Variants in COA1 observed in about 807,000 individuals in gnomAD.
COA1 encodes cytochrome c oxidase assembly factor 1.
COA1 carries 13 observed loss-of-function variants against 16.0 expected under a neutral mutation model. That is an observed-to-expected ratio of 0.81 (90% CI 0.53 to 1.29). The LOEUF (loss-of-function observed/expected upper bound fraction) is 1.29, where lower values mean the gene tolerates loss of function less well. Among genes scored for constraint, COA1 ranks in the 50% most tolerant of loss-of-function variants. COA1 has a pLI of 0.00. For synonymous variants in COA1, 65 were observed against 65.7 expected (o/e 0.99, Z 0.05); for missense variants, 179 against 177.0 (o/e 1.01, Z -0.06).
At chr7:43,650,508 A>G (rs2090518000) in intron 1 of COA1, 1 of 152,210 alleles carries the variant, frequency 6.6e-6, no homozygotes, top group Admixed American at 6.5e-5. Context: ...TTCACTAGGC[A>G]TTTCCTCAAG....
At chr7:43,671,524 T>G (rs994829692) in intron 1 of COA1, among the ~76,000 whole-genome samples, 3 of 152,118 alleles carry the variant, frequency 2.0e-5, no homozygotes, top group African/African-American at 7.2e-5. Context: ...TGAAGGAGGT[T>G]AAAGTCTCTA....
chr7:43,663,429 C>T (rs1225163259), intron 1 of COA1, among the ~76,000 whole-genome samples: 1 of 152,198 alleles, frequency 6.6e-6, no homozygotes, highest in Non-Finnish European at 1.5e-5. Flanking sequence ...CAATACCACT[C>T]TGCCTTAATT....
chr7:43,713,568 C>T (rs1204715053), intron 1 of COA1, among the ~76,000 whole-genome samples: 1 of 152,170 alleles, frequency 6.6e-6, no homozygotes, highest in African/African-American at 2.4e-5. Context: ...CATCTCATCT[C>T]TCTGAATATA....
At chr7:43,633,930 A>AC (rs1230572222) in intron 6 of COA1, among the ~76,000 whole-genome samples, 2 of 151,982 alleles carry the variant, frequency 1.3e-5, no homozygotes, top group Non-Finnish European at 2.9e-5. Flanking sequence ...CTCCGCTCAG[A>AC]TTTTTATTTC....
intron 1 of COA1, among the ~76,000 whole-genome samples, chr7:43,717,108 T>C (rs1159802669): frequency 6.6e-6 from 1 of 152,116 alleles, no homozygotes; most frequent in Non-Finnish European, 1.5e-5. Context: ...AGAAGGAAAA[T>C]GTGGGGTTGG....
chr7:43,642,894 T>A (rs17530917), intron 4 of COA1, among the ~76,000 whole-genome samples: 1 of 152,136 alleles, frequency 6.6e-6, no homozygotes, highest in Non-Finnish European at 1.5e-5. Flanking sequence ...TAAAGGAATT[T>A]GGGATAAGAG....
intron 6 of COA1, chr7:43,622,554 A>G (rs1177955728): frequency 6.8e-6 from 1 of 147,570 alleles, no homozygotes; most frequent in Non-Finnish European, 1.5e-5. Flanking sequence ...TAGTTTTGAA[A>G]AAAAAAATCT....
At chr7:43,727,530 T>TAA (rs145265438) in intron 1 of COA1, among the ~76,000 whole-genome samples, 1 of 151,656 alleles carries the variant, frequency 6.6e-6, no homozygotes, top group African/African-American at 2.4e-5. Flanking sequence ...TAACCAGCAA[T>TAA]AAAAAAAAGT....
At chr7:43,690,532 T>C (rs895474286) in intron 1 of COA1, among the ~76,000 whole-genome samples, 1 of 152,070 alleles carries the variant, frequency 6.6e-6, no homozygotes, top group African/African-American at 2.4e-5. Context: ...ATGAAATAAT[T>C]GCATTCGCAG....
intron 1 of COA1, among the ~76,000 whole-genome samples, chr7:43,719,326 A>C (rs941940474): frequency 3.3e-5 from 5 of 152,284 alleles, no homozygotes; most frequent in African/African-American, 1.2e-4. Context: ...CCTTGGAAAC[A>C]AGAAACTCAA....
At chr7:43,719,703 T>C (rs532557416) in intron 1 of COA1, among the ~76,000 whole-genome samples, 50 of 152,340 alleles carry the variant, frequency 3.3e-4, no homozygotes, top group Non-Finnish European at 8.8e-5. Context: ...CTGACTACTA[T>C]GAAAATGTCC....
At chr7:43,631,727 A>C (rs995622343) in intron 6 of COA1, 5 of 152,174 alleles carry the variant, frequency 3.3e-5, no homozygotes, top group African/African-American at 1.2e-4. Flanking sequence ...GGTTTCACTC[A>C]GCTTCTTAAA....
chr7:43,694,410 C>G (rs2094467963), intron 1 of COA1, among the ~76,000 whole-genome samples: 1 of 152,098 alleles, frequency 6.6e-6, no homozygotes, highest in Non-Finnish European at 1.5e-5. Flanking sequence ...AACACACCAA[C>G]TTAACTTTTA....
chr7:43,640,764 C>T (rs2086849554), intron 4 of COA1, 115 bp from the exon 5 acceptor site: 1 of 723,192 alleles, frequency 1.4e-6, no homozygotes, highest in Middle Eastern at 3.5e-4. Flanking sequence ...TGATTCTCCA[C>T]AGAAGTGAGT....
chr7:43,693,806 A>C (rs2094447671), intron 1 of COA1, among the ~76,000 whole-genome samples: 2 of 151,974 alleles, frequency 1.3e-5, no homozygotes, highest in African/African-American at 4.8e-5. Context: ...AATCCGAACA[A>C]GTGAATTTGG....
chr7:43,634,315 T>C (rs921723243), downstream of COA1, among the ~76,000 whole-genome samples: 2 of 152,224 alleles, frequency 1.3e-5, no homozygotes, highest in Non-Finnish European at 2.9e-5. Flanking sequence ...AATCATGTTT[T>C]CGTAGGTCTA....
chr7:43,724,140 A>T (rs2095564465), intron 1 of COA1, among the ~76,000 whole-genome samples: 1 of 152,212 alleles, frequency 6.6e-6, no homozygotes, highest in African/African-American at 2.4e-5. Context: ...CAATTCCTTT[A>T]AATCTCATCT....
chr7:43,693,711 G>A (rs898961289), intron 1 of COA1, among the ~76,000 whole-genome samples: 2 of 151,892 alleles, frequency 1.3e-5, no homozygotes, highest in Non-Finnish European at 2.9e-5. Flanking sequence ...TCCCTCCTTC[G>A]AATATACCCT....
intron 1 of COA1, among the ~76,000 whole-genome samples, chr7:43,709,247 C>G (rs2095121536): frequency 6.6e-6 from 1 of 151,944 alleles, no homozygotes; most frequent in Non-Finnish European, 1.5e-5. Context: ...AGGATGGTCT[C>G]AATCTCCTGA....
Sources: gnomAD v4.1 joint callset for allele counts (sites outside exome capture counted in the v4.1 genomes callset) on GRCh38, gnomAD v4.1.1 for gene constraint, MANE v1.5 for transcripts, NCBI Gene and HGNC (gene_info 2026-07-23, HGNC 2026-07-21) for gene names.